The following PACRG variants were observed in gnomAD, a reference collection of about 807,000 sequenced individuals.
The protein encoded by PACRG is parkin coregulated gene protein.
A neutral mutation model predicts 29.7 loss-of-function variants in PACRG; 29 were observed. The observed-to-expected ratio is 0.98, with a 90% CI of 0.73 to 1.33. PACRG has a LOEUF of 1.33. Among genes scored for constraint, PACRG ranks in the 40% most tolerant of loss-of-function variants. PACRG has a pLI of 0.00. For missense variants in PACRG, 279 were observed against 316.2 expected, an observed-to-expected ratio of 0.88 and a Z score of 0.89; for synonymous variants, 116 against 118.7, an observed-to-expected ratio of 0.98 and a Z score of 0.15.
At chr6:163,289,485 AT>A (rs1161702052) in intron 4 of PACRG, among the ~76,000 whole-genome samples, 1 of 152,156 alleles carries the variant, frequency 6.6e-6, no homozygotes, top group African/African-American at 2.4e-5. Flanking sequence ...ATTTCTAAAT[AT>A]TTTTAATTTT....
At chr6:163,045,083 G>A (rs1809193697) in intron 2 of PACRG, among the ~76,000 whole-genome samples, 1 of 152,158 alleles carries the variant, frequency 6.6e-6, no homozygotes, top group African/African-American at 2.4e-5. Flanking sequence ...AGGTTTTGGG[G>A]AGATGCCAGC....
At chr6:163,030,170 G>T (rs1476939393) in intron 2 of PACRG, among the ~76,000 whole-genome samples, 1 of 151,646 alleles carries the variant, frequency 6.6e-6, no homozygotes, top group African/African-American at 2.4e-5. Flanking sequence ...TACCATCAGA[G>T]TCACAAGGGC....
intron 4 of PACRG, among the ~76,000 whole-genome samples, chr6:163,121,726 C>A (rs983691548): frequency 6.8e-6 from 1 of 146,532 alleles, no homozygotes; most frequent in Non-Finnish European, 1.5e-5. Flanking sequence ...AGTGCAGTGG[C>A]ACGATCTCAG....
chr6:162,987,848 G>A (rs1803040776), intron 2 of PACRG, among the ~76,000 whole-genome samples: 1 of 152,180 alleles, frequency 6.6e-6, no homozygotes, highest in African/African-American at 2.4e-5. Context: ...GATTATGCTA[G>A]CAGTGAAGTT....
Position 162,756,432 on chromosome 6 carries a change from G to A in PACRG, c.156+28041G>A, listed in dbSNP as rs115392311. Among the ~76,000 whole-genome samples the A allele has an allele frequency of 5.9e-3, 889 of 151,766 alleles. 9 individuals are homozygous for A. Among genetic ancestry groups the A allele is most frequent in the African/African-American group, 0.02 (813 of 41,366 alleles). On this transcript the variant is annotated intron_variant, in intron 1 of 4. Coordinates refer to ENST00000366888, the MANE Select transcript of PACRG (RefSeq NM_001080379.2). The stretch of plus-strand genomic sequence containing the variant: ...CTTTTAATAATTTTTTTTACTTAAC[G>A]TCTACTTTGTGTGTTATAAGTGTAG...
At chr6:163,285,225 G>A (rs1784357307) in intron 4 of PACRG, among the ~76,000 whole-genome samples, 1 of 151,248 alleles carries the variant, frequency 6.6e-6, no homozygotes, top group South Asian at 2.1e-4. Context: ...CTCTGCTTCT[G>A]AACAGATCCA....
chr6:162,749,771 C>T (rs1163837274), intron 1 of PACRG, among the ~76,000 whole-genome samples: 10 of 152,126 alleles, frequency 6.6e-5, no homozygotes, highest in Non-Finnish European at 1.3e-4. Context: ...CTGCCCGCCT[C>T]GGCCTCCCAA....
At chr6:162,798,101 TA>T (rs1785530843) in intron 1 of PACRG, among the ~76,000 whole-genome samples, 1 of 152,244 alleles carries the variant, frequency 6.6e-6, no homozygotes, top group African/African-American at 2.4e-5. Context: ...CCCACTTTAA[TA>T]CTTACTGCTG....
At chr6:163,046,810 A>G (rs1355013268) in intron 2 of PACRG, 1 of 152,208 alleles carries the variant, frequency 6.6e-6, no homozygotes, top group Non-Finnish European at 1.5e-5. Flanking sequence ...GTAGCTATTC[A>G]GTATATATAT....
intron 4 of PACRG, among the ~76,000 whole-genome samples, chr6:163,289,090 A>T (rs1011454716): frequency 4.6e-5 from 7 of 152,168 alleles, no homozygotes; most frequent in Admixed American, 4.6e-4. Context: ...GGAGCCTGGA[A>T]CTGGTCGCTG....
chr6:163,031,735 G>T (rs1807684503), intron 2 of PACRG, among the ~76,000 whole-genome samples: 1 of 152,178 alleles, frequency 6.6e-6, no homozygotes, highest in South Asian at 2.1e-4. Context: ...GCCCAGCCAT[G>T]GGTTTCTACC....
chr6:162,965,332 TA>T (rs1410143022), intron 2 of PACRG, among the ~76,000 whole-genome samples: 2 of 152,178 alleles, frequency 1.3e-5, no homozygotes, highest in African/African-American at 4.8e-5. Flanking sequence ...TTGGTTGCTA[TA>T]AAAAATACTG....
Position 163,315,163 on chromosome 6 carries a change from T to A in PACRG, c.*176T>A. 1 of 651,242 alleles carries A rather than the reference T, an allele frequency of 1.5e-6. No individual in the cohort carries two copies. Among genetic ancestry groups the A allele is most frequent in the Non-Finnish European group, 2.6e-6 (1 of 391,452 alleles). 40.3% of individuals were successfully genotyped at this position (651,242 alleles called of 1,614,324 possible). The stretch of plus-strand genomic sequence containing the variant: ...ATTGAGAGCAAGGCTTTCCAATACA[T>A]AAATAGTGTCTGTTTCTTAGATTAC... On this transcript the variant is annotated 3_prime_UTR_variant, in exon 5 of 5. Transcript: ENST00000366888.
chr6:162,965,338 A>T (rs1158892135), intron 2 of PACRG, among the ~76,000 whole-genome samples: 1 of 152,242 alleles, frequency 6.6e-6, no homozygotes, highest in East Asian at 1.9e-4. Context: ...GCTATAAAAA[A>T]TACTGTAAAC....
At chr6:162,981,905 A>AAT (rs1265883261) in intron 2 of PACRG, among the ~76,000 whole-genome samples, 6 of 124,164 alleles carry the variant, frequency 4.8e-5, no homozygotes, top group South Asian at 2.6e-4. Flanking sequence ...CTGGTCCTGG[A>AAT]TTTTTTTTTT....
chr6:163,171,449 T>C (rs1192759418), intron 4 of PACRG, among the ~76,000 whole-genome samples: 2 of 152,186 alleles, frequency 1.3e-5, no homozygotes, highest in African/African-American at 2.4e-5. Context: ...CAGGTATGAC[T>C]GTTCTGCCCA....
chr6:163,095,813 A>G (rs993398020), intron 4 of PACRG, among the ~76,000 whole-genome samples: 29 of 152,170 alleles, frequency 1.9e-4, no homozygotes, highest in African/African-American at 6.3e-4. Flanking sequence ...TTCATTGGCA[A>G]TGACCCTATT....
At chr6:163,210,093 G>C (rs915828673) in intron 4 of PACRG, among the ~76,000 whole-genome samples, 1 of 152,208 alleles carries the variant, frequency 6.6e-6, no homozygotes, top group Non-Finnish European at 1.5e-5. Context: ...GCTCATGAGA[G>C]TCACGGCCTA....
At chr6:162,792,164 T>A (rs1785006050) in intron 1 of PACRG, among the ~76,000 whole-genome samples, 1 of 152,072 alleles carries the variant, frequency 6.6e-6, no homozygotes, top group Non-Finnish European at 1.5e-5. Flanking sequence ...GGCCTCAGCA[T>A]ACGGTTGACA....
Sources: allele counts gnomAD v4.1 joint callset (sites outside exome capture counted in the v4.1 genomes callset), GRCh38; gene constraint gnomAD v4.1.1; transcripts MANE v1.5; gene names NCBI Gene and HGNC (gene_info 2026-07-23, HGNC 2026-07-21).